Variants in SH3BGRL2 observed in about 807,000 individuals in gnomAD.
SH3BGRL2 encodes SH3 domain binding glutamate rich protein like 2.
In SH3BGRL2, 21 loss-of-function variants were observed where a neutral mutation model predicts 14.8. That is an observed-to-expected ratio of 1.42 (90% confidence interval 1.01 to 2.05). SH3BGRL2 has a LOEUF of 2.05. SH3BGRL2 is among the 30% of genes most tolerant of loss of function. SH3BGRL2 has a pLI of 0.00. For missense variants in SH3BGRL2, 147 were observed against 130.8 expected (o/e 1.12, Z -0.61); for synonymous variants, 50 against 47.8 (o/e 1.05, Z -0.19).
At chr6:79,626,668 G>C (rs1043522246), upstream of SH3BGRL2, among the ~76,000 whole-genome samples, 3 of 152,206 alleles carry the variant, frequency 2.0e-5, no homozygotes, top group Admixed American at 1.3e-4. Context: ...CCTGTAGATG[G>C]TGAGTTTAGT....
the SH3BGRL2 span, among the ~76,000 whole-genome samples, chr6:79,549,385 C>T: frequency 6.6e-6 from 1 of 152,160 alleles, no homozygotes; most frequent in African/African-American, 2.4e-5. Context: ...TCAATGTAAA[C>T]ATATAATGAT....
At chr6:79,673,413 T>C (rs983906642) in intron 1 of SH3BGRL2, among the ~76,000 whole-genome samples, 3 of 152,006 alleles carry the variant, frequency 2.0e-5, no homozygotes, top group Admixed American at 6.6e-5. Flanking sequence ...CATCTCAAAA[T>C]AGCAATAACA....
the SH3BGRL2 span, among the ~76,000 whole-genome samples, chr6:79,552,248 GTTCC>G: frequency 6.6e-6 from 1 of 152,270 alleles, no homozygotes; most frequent in East Asian, 1.9e-4. Flanking sequence ...GTGGAACAGG[GTTCC>G]CGTTCATGTC....
chr6:79,540,612 C>T, the SH3BGRL2 span, among the ~76,000 whole-genome samples: 40 of 152,104 alleles, frequency 2.6e-4, no homozygotes, highest in Admixed American at 1.9e-3. Flanking sequence ...AGTTTCTGAT[C>T]ACTTGATGAA....
At chr6:79,618,537 C>G in the SH3BGRL2 span, among the ~76,000 whole-genome samples, 2 of 152,064 alleles carry the variant, frequency 1.3e-5, no homozygotes, top group African/African-American at 4.8e-5. Context: ...GAAACCCCAT[C>G]TCTACTAAAA....
chr6:79,583,486 AT>A, the SH3BGRL2 span, among the ~76,000 whole-genome samples: 1 of 152,250 alleles, frequency 6.6e-6, no homozygotes, highest in African/African-American at 2.4e-5. Context: ...TTGCAGGGAC[AT>A]GGATGAAGCT....
At chr6:79,579,614 C>T in the SH3BGRL2 span, among the ~76,000 whole-genome samples, 1 of 152,254 alleles carries the variant, frequency 6.6e-6, no homozygotes, top group Admixed American at 6.5e-5. Context: ...GATTTTGTCA[C>T]CACCAGGCCG....
the SH3BGRL2 span, among the ~76,000 whole-genome samples, chr6:79,545,217 G>A: frequency 3.3e-5 from 5 of 151,948 alleles, no homozygotes; most frequent in Admixed American, 2.0e-4. Context: ...TTTTCTTTTC[G>A]TCCTTTGTGG....
chr6:79,659,746 C>T (rs1027777597), intron 1 of SH3BGRL2, among the ~76,000 whole-genome samples: 2 of 152,092 alleles, frequency 1.3e-5, no homozygotes, highest in Admixed American at 1.3e-4. Context: ...GCCATTTTCA[C>T]GATACTGATT....
chr6:79,552,566 T>TGAC, the SH3BGRL2 span, among the ~76,000 whole-genome samples: 1 of 152,176 alleles, frequency 6.6e-6, no homozygotes, highest in East Asian at 1.9e-4. Context: ...GAGGGTATAA[T>TGAC]GAGGTGTGTC....
At chr6:79,677,477 A>C (rs1481709218) in intron 2 of SH3BGRL2, among the ~76,000 whole-genome samples, 1 of 152,114 alleles carries the variant, frequency 6.6e-6, no homozygotes, top group Non-Finnish European at 1.5e-5. Flanking sequence ...CAGAATTTGA[A>C]CATTGAGGGG....
the SH3BGRL2 span, among the ~76,000 whole-genome samples, chr6:79,548,967 A>G: frequency 6.6e-6 from 1 of 152,210 alleles, no homozygotes; most frequent in South Asian, 2.1e-4. Flanking sequence ...AATTAATCCA[A>G]TGAATAAGAT....
chr6:79,696,518 A>C lies in SH3BGRL2; in HGVS notation c.265A>C (p.Asn89His), dbSNP rs529885159. 5 of 1,580,644 alleles carry C rather than the reference A, an allele frequency of 3.2e-6. No homozygotes were observed. Among genetic ancestry groups the C allele is most frequent in the Non-Finnish European group, 4.3e-6 (5 of 1,171,132 alleles). ...CAGTTTTTTTGAATCCAAGGAAAGC[A>C]ACACAGTCTTTTCATTTTTAGGCCT... ...YDSFFESKES[N>H]TVFSFLGLKP... The change falls in exon 3 of 4, where the codon AAC becomes CAC. Residue 89 changes from asparagine (N) to histidine (H), a missense_variant. Physicochemically the swap from Asn to His is moderately conservative, Grantham distance 68 (BLOSUM62 1). Coordinates refer to ENST00000369838, the MANE Select transcript of SH3BGRL2 (RefSeq NM_031469.4).
intron 1 of SH3BGRL2, among the ~76,000 whole-genome samples, chr6:79,656,827 A>G (rs1487324811): frequency 2.0e-5 from 3 of 151,940 alleles, no homozygotes; most frequent in South Asian, 2.1e-4. Flanking sequence ...AGCTCCTGAA[A>G]CTAATTCCCT....
the SH3BGRL2 span, among the ~76,000 whole-genome samples, chr6:79,584,901 A>G: frequency 6.6e-6 from 1 of 152,198 alleles, no homozygotes; most frequent in African/African-American, 2.4e-5. Context: ...TCTCTTACAG[A>G]TAAACCCATA....
the SH3BGRL2 span, among the ~76,000 whole-genome samples, chr6:79,559,258 G>A: frequency 2.8e-4 from 42 of 152,068 alleles, no homozygotes; most frequent in African/African-American, 9.7e-4. Flanking sequence ...AAATCCAGGA[G>A]TACGAGACCA....
rs79808005 is a variant in SH3BGRL2, at chr6:79,654,286, T to C, written c.46-19328T>C. On this transcript the variant is annotated intron_variant, in intron 1 of 3. Transcript: ENST00000369838. ...GAAGGAAAGGTAAGAATATTTGGTG[T>C]GGCATTACCACACTGTGATTTATTT... 9.4e-3 allele frequency among the ~76,000 whole-genome samples: 1,427 copies of C among 152,294 alleles called. 21 individuals are homozygous for C. Among genetic ancestry groups the C allele is most frequent in the African/African-American group, 0.032 (1,332 of 41,568 alleles).
the SH3BGRL2 span, among the ~76,000 whole-genome samples, chr6:79,582,977 T>C: frequency 1.3e-5 from 2 of 152,138 alleles, no homozygotes; most frequent in Admixed American, 1.3e-4. Flanking sequence ...GCAAAGGATA[T>C]GAACAGACAC....
At chr6:79,537,712 A>G in the SH3BGRL2 span, among the ~76,000 whole-genome samples, 1 of 151,824 alleles carries the variant, frequency 6.6e-6, no homozygotes, top group African/African-American at 2.4e-5. Flanking sequence ...CGGAGGGCAA[A>G]GTGGGTTCAT....
Sources: gnomAD v4.1 joint callset for allele counts (sites outside exome capture counted in the v4.1 genomes callset) on GRCh38, gnomAD v4.1.1 for gene constraint, MANE v1.5 for transcripts, NCBI Gene and HGNC (gene_info 2026-07-23, HGNC 2026-07-21) for gene names.